Variants in RAI14 observed in about 807,000 individuals in gnomAD.
RAI14 encodes ankycorbin.
RAI14 carries 45 observed loss-of-function variants against 115.4 expected under a neutral mutation model. That is an observed-to-expected ratio of 0.39 (90% CI 0.31 to 0.50). RAI14 has a LOEUF of 0.50. Ranked by LOEUF, RAI14 falls within the 20% of genes least tolerant of loss-of-function variation. The pLI is 0.85. For synonymous variants in RAI14, 371 were observed against 415.4 expected (o/e 0.89, Z 1.30); for missense variants, 939 against 1,131.2 (o/e 0.83, Z 2.44).
chr5:34,776,569 G>T (rs1750860425), intron 3 of RAI14, among the ~76,000 whole-genome samples: 2 of 152,066 alleles, frequency 1.3e-5, no homozygotes, highest in African/African-American at 4.8e-5. Flanking sequence ...ACTTTGGAAG[G>T]CTGAGGCAGA....
chr5:34,813,563 A>G lies in RAI14; in HGVS notation c.766-11A>G, dbSNP rs779806296. ...ACCCACCTCCATTCTTTGGACTGTG[A>G]TAACTTTCAGCATGACCAAGTCTCT... On this transcript the variant is annotated splice_polypyrimidine_tract_variant and intron_variant, in intron 10 of 17. Transcript: ENST00000265109. The G allele has an allele frequency of 1.1e-5, 18 of 1,606,492 alleles. No homozygotes were observed. The highest frequency in any genetic ancestry group is 2.2e-5 in the East Asian group (1 of 44,762).
intron 12 of RAI14, among the ~76,000 whole-genome samples, chr5:34,815,135 C>T (rs1473036617): frequency 3.9e-5 from 6 of 152,144 alleles, no homozygotes; most frequent in Non-Finnish European, 8.8e-5. Flanking sequence ...GTAATCCCAG[C>T]ACTTTGGGAG....
intron 5 of RAI14, 30 bp downstream of exon 5, chr5:34,803,806 T>A: frequency 6.3e-7 from 1 of 1,581,564 alleles, no homozygotes; most frequent in African/African-American, 1.3e-5. Context: ...GAATTATAAA[T>A]GTGTCGGTTT....
chr5:34,787,625 G>A (rs182017007), intron 3 of RAI14, among the ~76,000 whole-genome samples: 272 of 152,222 alleles, frequency 1.8e-3, no homozygotes, highest in Non-Finnish European at 2.8e-3. Flanking sequence ...TCGATACAGG[G>A]ATTTTTTTGA....
intron 2 of RAI14, among the ~76,000 whole-genome samples, chr5:34,694,468 T>C (rs1023358621): frequency 6.6e-6 from 1 of 152,228 alleles, no homozygotes; most frequent in Non-Finnish European, 1.5e-5. Context: ...TAGACTTGGC[T>C]TTCTTTTTGT....
chr5:34,768,594 A>G (rs1749734493), intron 3 of RAI14, among the ~76,000 whole-genome samples: 1 of 152,126 alleles, frequency 6.6e-6, no homozygotes, highest in African/African-American at 2.4e-5. Flanking sequence ...CAACATAGAA[A>G]TCATTTGCCC....
At chr5:34,676,932 T>A (rs947540629) in intron 1 of RAI14, among the ~76,000 whole-genome samples, 6 of 152,216 alleles carry the variant, frequency 3.9e-5, no homozygotes, top group Admixed American at 1.3e-4. Context: ...TTGTTATGTC[T>A]TTCCCCCCCT....
intron 1 of RAI14, among the ~76,000 whole-genome samples, chr5:34,664,215 C>T (rs551630914): frequency 6.6e-6 from 1 of 151,560 alleles, no homozygotes; most frequent in Non-Finnish European, 1.5e-5. Context: ...TTAGGCCAGG[C>T]ACAGTGGCTG....
intron 10 of RAI14, 64 bp downstream of exon 10, chr5:34,812,272 G>T: frequency 7.1e-7 from 1 of 1,403,858 alleles, no homozygotes; most frequent in Non-Finnish European, 9.9e-7. Flanking sequence ...AAAATGTTCA[G>T]ATTTAACCAC....
intron 3 of RAI14, among the ~76,000 whole-genome samples, chr5:34,763,358 A>G (rs910968221): frequency 3.9e-5 from 6 of 152,142 alleles, no homozygotes. Flanking sequence ...AAATCACCCT[A>G]TGTCTTTTCT....
chr5:34,688,365 G>A lies in RAI14; in HGVS notation c.36+1410G>A. 3.8e-6 allele frequency: 4 copies of A among 1,042,956 alleles called. 1 individual carries two copies. Among genetic ancestry groups the A allele is most frequent in the East Asian group, 5.2e-5 (2 of 38,292 alleles). 64.6% of individuals were successfully genotyped at this position (1,042,956 alleles called of 1,614,324 possible). ...AATCTAGGTAGCTTTCATTTACATA[G>A]GTTAAGATTATTTTTAGCAAAATTT... On this transcript the variant is annotated intron_variant, in intron 2 of 17. Coordinates refer to ENST00000265109, the MANE Select transcript of RAI14 (RefSeq NM_015577.3).
In RAI14 at chr5:34,801,736, T is replaced by TAA. The variant is rs11451518; in HGVS notation, c.257-1966_257-1965dup. ...GGCCTGAATGACAGATAAGACTTTC[T>TAA]AAAAAAAAAAAGGTATTTGGGGCCT... On this transcript the variant is annotated intron_variant, in intron 4 of 17. Coordinates refer to ENST00000265109, the MANE Select transcript of RAI14 (RefSeq NM_015577.3). 6.1e-3 allele frequency among the ~76,000 whole-genome samples: 906 copies of TAA among 148,268 alleles called. 15 individuals are homozygous for TAA. Among genetic ancestry groups the TAA allele is most frequent in the Admixed American group, 0.03 (445 of 14,912 alleles).
intron 2 of RAI14, among the ~76,000 whole-genome samples, chr5:34,689,537 A>G (rs1463690220): frequency 6.6e-6 from 1 of 152,166 alleles, no homozygotes; most frequent in African/African-American, 2.4e-5. Flanking sequence ...AGTGGAGGAA[A>G]TGATATTAGC....
chr5:34,823,471 A>C lies in RAI14; in HGVS notation c.1629A>C (p.Leu543Phe), dbSNP rs144792850. The change falls in exon 15 of 18, where the codon TTA (leucine) becomes TTC (phenylalanine). Residue 543 changes from leucine (L) to phenylalanine (F), a missense_variant. Transcript: ENST00000265109. The surrounding 1 kb of genome is among the most constrained non-coding windows in gnomAD (Gnocchi z 4.5). ...TAAAGCAGGATCTGCAGAATGCATT[A>C]GAAGAAAGTGAAAGAAATAAAGAGA... is the stretch of plus-strand genomic sequence containing the variant. ...NVLKQDLQNA[L>F]EESERNKEKV... The C allele has an allele frequency of 1.5e-4, 242 of 1,614,188 alleles. 1 individual carries two copies. The East Asian group carries it at 4.7e-3, about 31-fold the overall frequency.
At chr5:34,668,275 T>C (rs1295412258) in intron 1 of RAI14, among the ~76,000 whole-genome samples, 2 of 151,990 alleles carry the variant, frequency 1.3e-5, no homozygotes, top group East Asian at 3.9e-4. Context: ...ACGCCTGTGA[T>C]CCCAGATTCT....
chr5:34,734,252 G>T (rs1049511219), intron 2 of RAI14, among the ~76,000 whole-genome samples: 1 of 152,220 alleles, frequency 6.6e-6, no homozygotes, highest in Admixed American at 6.5e-5. Flanking sequence ...GAACTGGGGG[G>T]GCTGGGGTGC....
chr5:34,726,230 A>G (rs1743447382), intron 2 of RAI14, among the ~76,000 whole-genome samples: 1 of 152,146 alleles, frequency 6.6e-6, no homozygotes, highest in Non-Finnish European at 1.5e-5. Flanking sequence ...TTCTTCCCAC[A>G]CTGCTATAAA....
At chr5:34,773,636 A>G (rs971793109) in intron 3 of RAI14, among the ~76,000 whole-genome samples, 1 of 152,210 alleles carries the variant, frequency 6.6e-6, no homozygotes, top group Non-Finnish European at 1.5e-5. Flanking sequence ...ACAAATGGCC[A>G]CAGCTATATG....
intron 1 of RAI14, among the ~76,000 whole-genome samples, chr5:34,683,168 C>G (rs1744510940): frequency 6.6e-6 from 1 of 152,216 alleles, no homozygotes; most frequent in South Asian, 2.1e-4. Flanking sequence ...AAGCAGTGAT[C>G]TATTAATAAC....
Sources: allele counts gnomAD v4.1 joint callset (sites outside exome capture counted in the v4.1 genomes callset), GRCh38; gene constraint gnomAD v4.1.1; non-coding constraint Gnocchi (gnomAD v3.1); transcripts MANE v1.5; gene names NCBI Gene and HGNC (gene_info 2026-07-23, HGNC 2026-07-21).